Variants in SYNCRIP observed in about 807,000 individuals in gnomAD.
SYNCRIP encodes the protein heterogeneous nuclear ribonucleoprotein Q.
Under a neutral mutation model 68.9 loss-of-function variants are expected in SYNCRIP, and 9 were observed. That is an observed-to-expected ratio of 0.13 (90% confidence interval 0.08 to 0.23). The LOEUF (loss-of-function observed/expected upper bound fraction) is 0.23. Ranked by LOEUF, SYNCRIP falls within the 10% of genes least tolerant of loss-of-function variation. SYNCRIP has a pLI of 1.00. For missense variants in SYNCRIP, 414 were observed against 770.6 expected, an observed-to-expected ratio of 0.54 and a Z score of 5.48; for synonymous variants, 258 against 254.0, an observed-to-expected ratio of 1.02 and a Z score of -0.15.
chr6:85,623,931 C>A (rs761688046), intron 7 of SYNCRIP, 46 bp downstream of exon 7: 1 of 1,597,772 alleles, frequency 6.3e-7, no homozygotes, highest in African/African-American at 1.3e-5. Context: ...TGCTATTAAT[C>A]TTCATTATTA....
chr6:85,641,529 T>C lies in SYNCRIP; in HGVS notation c.-12-78A>G, dbSNP rs1027114225. On this transcript the variant is annotated intron_variant, in intron 1 of 10. Coordinates refer to ENST00000369622, the MANE Select transcript of SYNCRIP (RefSeq NM_006372.5). The stretch of plus-strand genomic sequence containing the variant: ...GACAATATGAGAGCCCCATCTTTAC[T>C]TTCTCTACCATTTACTACACCAGCT... 186 of 1,421,686 alleles carry C rather than the reference T, an allele frequency of 1.3e-4. 1 individual carries two copies. Among genetic ancestry groups the C allele is most frequent in the Non-Finnish European group, 1.8e-4 (186 of 1,051,208 alleles). 88.1% of individuals were successfully genotyped at this position (1,421,686 alleles called of 1,614,324 possible). A position where few individuals can be genotyped will look rare whatever the true frequency, so the allele number is the denominator to read the frequency against.
At position 85,614,066 on chromosome 6, in the gene SYNCRIP, AT is replaced by A; in HGVS notation, c.*689del. The A allele has an allele frequency of 1.0e-6, 1 of 985,866 alleles. No homozygotes were observed. The allele number at this position is 985,866 out of a possible 1,614,324, so 61.1% of individuals were successfully genotyped here. A position where few individuals can be genotyped will look rare whatever the true frequency, so the allele number is the denominator to read the frequency against. On this transcript the variant is annotated 3_prime_UTR_variant, in exon 11 of 11. Coordinates refer to ENST00000369622, the MANE Select transcript of SYNCRIP (RefSeq NM_006372.5). ...AACCAGAAGCAGAAAACTGCAATAA[AT>A]CAGTGTTGTGTAATGTGCAGACATA...
At chr6:85,622,889 T>C (rs1171974668) in intron 7 of SYNCRIP, among the ~76,000 whole-genome samples, 1 of 152,140 alleles carries the variant, frequency 6.6e-6, no homozygotes, top group East Asian at 1.9e-4. Context: ...AACACAGAAA[T>C]CTCCAGAAAA....
At chr6:85,607,820 C>T (rs1804956553), downstream of SYNCRIP, 1 of 152,086 alleles carries the variant, frequency 6.6e-6, no homozygotes, top group Non-Finnish European at 1.5e-5. Context: ...TTCTCCCACA[C>T]TCAAAGTCAA....
At position 85,614,521 on chromosome 6, in the gene SYNCRIP, A is replaced by ATT. The variant is rs1396953003; in HGVS notation, c.*233_*234dup. Reference sequence around the variant, plus strand: ...TTTTCTCAAGCACAAATGCAAACTCATTAACTATTTCTTTCAGTATCTAAG... The same window carrying ATT: ...TTTTCTCAAGCACAAATGCAAACTCATTTTAACTATTTCTTTCAGTATCTAAG... On this transcript the variant is annotated 3_prime_UTR_variant, in exon 11 of 11. Transcript: ENST00000369622. 1 of 1,230,270 alleles carries ATT rather than the reference A, an allele frequency of 8.1e-7. No individual in the cohort carries two copies. The highest frequency in any genetic ancestry group is 1.0e-6 in the Non-Finnish European group (1 of 985,834). The allele number at this position is 1,230,270 out of a possible 1,614,324, so 76.2% of individuals were successfully genotyped here. A position where few individuals can be genotyped will look rare whatever the true frequency, so the allele number is the denominator to read the frequency against.
At chr6:85,636,829 C>A in intron 6 of SYNCRIP, 138 bp downstream of exon 6, 1 of 705,152 alleles carries the variant, frequency 1.4e-6, no homozygotes, top group South Asian at 2.5e-5. Flanking sequence ...AATGCTTGCA[C>A]AGTGATGTGG....
intron 6 of SYNCRIP, among the ~76,000 whole-genome samples, chr6:85,634,552 A>G (rs957833564): frequency 9.9e-5 from 15 of 151,758 alleles, no homozygotes; most frequent in African/African-American, 3.4e-4. Flanking sequence ...CACATAACCT[A>G]CGAACATTCT....
Position 85,615,327 on chromosome 6 carries a change from T to C in SYNCRIP, c.1301A>G (p.Tyr434Cys). The C allele has an allele frequency of 1.3e-6, 2 of 1,526,122 alleles. No homozygotes were observed. Among genetic ancestry groups the C allele is most frequent in the Non-Finnish European group, 1.8e-6 (2 of 1,133,784 alleles). The allele number at this position is 1,526,122 out of a possible 1,614,324, so 94.5% of individuals were successfully genotyped here. ...KNQMYDDYYY[Y>C]GPPHMPPPTR... The stretch of plus-strand genomic sequence containing the variant: ...TGGAGGGGGCATATGAGGTGGACCA[T>C]AATAGTAGTAATCGTCATACCTATT... Residue 434 changes from tyrosine to cysteine, a missense_variant, in exon 11 of 11, where the codon TAT (tyrosine) becomes TGT (cysteine). Physicochemically the swap from Tyr to Cys is radical, Grantham distance 194 (BLOSUM62 -2). This residue lies in a region of SYNCRIP where 72 missense variants were observed against 119.8 expected (regional missense o/e 0.60). Transcript: ENST00000369622.
At chr6:85,618,697 G>T in intron 10 of SYNCRIP, 121 bp downstream of exon 10, 1 of 791,070 alleles carries the variant, frequency 1.3e-6, no homozygotes, top group Non-Finnish European at 2.0e-6. Flanking sequence ...ACTCTCAAAC[G>T]TTCAAGTCTT....
At position 85,614,581 on chromosome 6, in the gene SYNCRIP, A is replaced by C; in HGVS notation, c.*175T>G. The C allele has an allele frequency of 9.3e-6, 12 of 1,288,594 alleles. No homozygotes were observed. The highest frequency in any genetic ancestry group is 1.2e-5 in the Non-Finnish European group (12 of 1,020,146). The allele number at this position is 1,288,594 out of a possible 1,614,324, so 79.8% of individuals were successfully genotyped here. A position where few individuals can be genotyped will look rare whatever the true frequency, so the allele number is the denominator to read the frequency against. ...ATTGAAAAAAATTAAAAATAAAATCAGTTCGCCAGAAGCAGTTAGAAGTGT... is the reference window on the plus strand; with the variant it reads ...ATTGAAAAAAATTAAAAATAAAATCCGTTCGCCAGAAGCAGTTAGAAGTGT... On this transcript the variant is annotated 3_prime_UTR_variant, in exon 11 of 11. Transcript: ENST00000369622.
intron 6 of SYNCRIP, among the ~76,000 whole-genome samples, chr6:85,628,770 G>C (rs1217521441): frequency 1.3e-5 from 2 of 152,128 alleles, no homozygotes; most frequent in Non-Finnish European, 2.9e-5. Flanking sequence ...ATTCCATCTT[G>C]GTAGATATAA....
chr6:85,613,064 A>G (rs1178761164), downstream of SYNCRIP: 2 of 945,454 alleles, frequency 2.1e-6, no homozygotes, highest in Non-Finnish European at 2.9e-6. Flanking sequence ...TGCCTTTAAT[A>G]ACTATGAACT....
intron 6 of SYNCRIP, among the ~76,000 whole-genome samples, chr6:85,631,300 C>A (rs1201287357): frequency 6.8e-6 from 1 of 146,420 alleles, no homozygotes; most frequent in Non-Finnish European, 1.5e-5. Context: ...GATCGCACCA[C>A]TGCCCTCCAG....
intron 6 of SYNCRIP, among the ~76,000 whole-genome samples, chr6:85,626,549 C>T (rs1358844154): frequency 6.6e-6 from 1 of 152,104 alleles, no homozygotes; most frequent in Non-Finnish European, 1.5e-5. Flanking sequence ...AAACTTCTAA[C>T]AGAAACTTGA....
chr6:85,618,954 TAA>T lies in SYNCRIP; in HGVS notation c.1159-17_1159-16del, dbSNP rs774024020. ...TCTTCCATAGCCTTAAAAAATTAGA[TAA>T]GTCAATATAAAAATAGGACTTTCAT... is the stretch of plus-strand genomic sequence containing the variant. On this transcript the variant is annotated splice_polypyrimidine_tract_variant and intron_variant, in intron 9 of 10. Transcript: ENST00000369622. 8 of 1,593,346 alleles carry T rather than the reference TAA, an allele frequency of 5.0e-6. No homozygotes were observed. In the South Asian group the frequency reaches 8.0e-5, roughly 16 times the overall value.
chr6:85,637,181 G>A (rs753021650), intron 5 of SYNCRIP, 38 bp from the exon 6 acceptor site: 2 of 1,606,592 alleles, frequency 1.2e-6, no homozygotes, highest in Non-Finnish European at 1.7e-6. Context: ...ATGGAGAATT[G>A]CTTTAGGAAA....
At chr6:85,628,875 TG>T (rs1212115216) in intron 6 of SYNCRIP, among the ~76,000 whole-genome samples, 2 of 152,234 alleles carry the variant, frequency 1.3e-5, no homozygotes, top group Non-Finnish European at 2.9e-5. Context: ...AAACGTATCA[TG>T]AACAGTCCAA....
rs1805501639 is a variant in SYNCRIP at position 85,614,091 on chromosome 6, T to C, written c.*665A>G. 2 of 985,910 alleles carry C rather than the reference T, an allele frequency of 2.0e-6. No individual in the cohort carries two copies. Among genetic ancestry groups the C allele is most frequent in the African/African-American group, 1.7e-5 (1 of 57,374 alleles). 61.1% of individuals were successfully genotyped at this position (985,910 alleles called of 1,614,324 possible). On this transcript the variant is annotated 3_prime_UTR_variant, in exon 11 of 11. Transcript: ENST00000369622. Reference sequence around the variant, plus strand: ...ATCAGTGTTGTGTAATGTGCAGACATATTCCACACAAGAATTAACAAGGCA... The same window carrying C: ...ATCAGTGTTGTGTAATGTGCAGACACATTCCACACAAGAATTAACAAGGCA...
intron 6 of SYNCRIP, among the ~76,000 whole-genome samples, chr6:85,627,975 G>C (rs1258832067): frequency 6.6e-6 from 1 of 152,112 alleles, no homozygotes; most frequent in Admixed American, 6.5e-5. Context: ...GTCAAATTTG[G>C]AATCTGATCC....
Sources: gnomAD v4.1 joint callset for allele counts (sites outside exome capture counted in the v4.1 genomes callset) on GRCh38, gnomAD v4.1.1 for gene constraint, gnomAD v4.1.1 regional missense constraint, MANE v1.5 for transcripts, NCBI Gene and HGNC (gene_info 2026-07-23, HGNC 2026-07-21) for gene names.